The following RASL12 variants were observed in gnomAD, a reference collection of about 807,000 sequenced individuals.
RASL12 encodes the protein RAS like family 12.
In RASL12, 16 loss-of-function variants were observed where a neutral mutation model predicts 22.9. The observed-to-expected ratio is 0.70, with a 90% CI of 0.47 to 1.06. The LOEUF is 1.06. RASL12 is among the 50% of genes least tolerant of loss of function. The pLI is 0.00. For synonymous variants in RASL12, 159 were observed against 152.2 expected (o/e 1.04, Z -0.33); for missense variants, 306 against 353.1 (o/e 0.87, Z 1.07).
intron 2 of RASL12, among the ~76,000 whole-genome samples, chr15:65,062,048 TC>T (rs995623050): frequency 1.0e-4 from 14 of 138,482 alleles, no homozygotes; most frequent in African/African-American, 3.6e-4. Context: ...GCCACTGCAC[TC>T]CAGCCTGGGT....
chr15:65,053,902 A>G lies in RASL12; in HGVS notation c.*997T>C. On this transcript the variant is annotated 3_prime_UTR_variant, in exon 5 of 5. Coordinates refer to ENST00000220062, the MANE Select transcript of RASL12 (RefSeq NM_016563.4). ...GTGACACCACCAAATAACATAAGCAAAATTTTGCTTTATTAACCCAAAATG... is the reference window on the plus strand; with the variant it reads ...GTGACACCACCAAATAACATAAGCAGAATTTTGCTTTATTAACCCAAAATG... 1 of 985,836 alleles carries G rather than the reference A, an allele frequency of 1.0e-6. No individual in the cohort carries two copies. Among genetic ancestry groups the G allele is most frequent in the Non-Finnish European group, 1.2e-6 (1 of 829,942 alleles). The allele number at this position is 985,836 out of a possible 1,614,324, so 61.1% of individuals were successfully genotyped here.
chr15:65,063,175 A>T (rs1251006937), intron 2 of RASL12, among the ~76,000 whole-genome samples: 1 of 151,168 alleles, frequency 6.6e-6, no homozygotes, highest in Non-Finnish European at 1.5e-5. Context: ...AGATGCCAGG[A>T]AAAATACAAG....
downstream of RASL12, chr15:65,052,986 C>T: frequency 6.2e-7 from 1 of 1,613,062 alleles, no homozygotes; most frequent in Non-Finnish European, 8.5e-7. Context: ...ATGCAGCCAC[C>T]AGAAAAAGAA....
chr15:65,065,074 C>T (rs1296717938), intron 2 of RASL12, 143 bp downstream of exon 2: 1 of 699,638 alleles, frequency 1.4e-6, no homozygotes, highest in Non-Finnish European at 2.4e-6. Context: ...AACATTTTCC[C>T]CCATGGGCTG....
At position 65,054,775 on chromosome 15, in the gene RASL12, A is replaced by G; in HGVS notation, c.*124T>C. ...CACACAGTGAATTGAGTGTAGGGAC[A>G]CTGCTTGGTGCTGGAGGCGGGGTCT... On this transcript the variant is annotated 3_prime_UTR_variant, in exon 5 of 5. Transcript: ENST00000220062. 2.0e-6 allele frequency: 3 copies of G among 1,495,106 alleles called. No homozygotes were observed. Among genetic ancestry groups the G allele is most frequent in the Non-Finnish European group, 2.7e-6 (3 of 1,129,072 alleles). The allele number at this position is 1,495,106 out of a possible 1,614,324, so 92.6% of individuals were successfully genotyped here. A position where few individuals can be genotyped will look rare whatever the true frequency, so the allele number is the denominator to read the frequency against.
intron 1 of RASL12, among the ~76,000 whole-genome samples, chr15:65,075,043 C>T (rs939158330): frequency 5.3e-5 from 8 of 152,238 alleles, no homozygotes; most frequent in Non-Finnish European, 7.3e-5. Context: ...CGAGCGGGAA[C>T]CGGGGCTGCG....
upstream of RASL12, among the ~76,000 whole-genome samples, chr15:65,070,728 T>A (rs770607196): frequency 5.9e-5 from 9 of 152,240 alleles, no homozygotes; most frequent in Non-Finnish European, 1.3e-4. Context: ...AGCCCTTTCA[T>A]ATAAAGCTAA....
rs143828318 is a variant in RASL12 at position 65,061,377 on chromosome 15, G to A, written c.161-1959C>T. ...CAGAGTACAAGGGAAGACCAGAATC[G>A]CCCAGTCTGGTGGGGATGTGGAACA... On this transcript the variant is annotated intron_variant, in intron 2 of 4. Coordinates refer to ENST00000220062, the MANE Select transcript of RASL12 (RefSeq NM_016563.4). Among the ~76,000 whole-genome samples, 473 of 152,302 alleles carry A rather than the reference G, an allele frequency of 3.1e-3. 3 individuals are homozygous for A. The highest frequency in any genetic ancestry group is 0.011 in the African/African-American group (454 of 41,542).
In RASL12 at chr15:65,054,434, G is replaced by A. The variant is rs1331567010; in HGVS notation, c.*465C>T. On this transcript the variant is annotated 3_prime_UTR_variant, in exon 5 of 5. Coordinates refer to ENST00000220062, the MANE Select transcript of RASL12 (RefSeq NM_016563.4). ...CCAGGCTCTGGCCTCTGAAACTGCA[G>A]CCGCCCTGCCTTTCCCGTCCACCAG... 1 of 990,812 alleles carries A rather than the reference G, an allele frequency of 1.0e-6. No homozygotes were observed. Among genetic ancestry groups the A allele is most frequent in the Admixed American group, 5.9e-5 (1 of 17,010 alleles). 61.4% of individuals were successfully genotyped at this position (990,812 alleles called of 1,614,324 possible). A position where few individuals can be genotyped will look rare whatever the true frequency, so the allele number is the denominator to read the frequency against.
chr15:65,071,455 G>A (rs751899747), upstream of RASL12, among the ~76,000 whole-genome samples: 1 of 152,126 alleles, frequency 6.6e-6, no homozygotes, highest in Non-Finnish European at 1.5e-5. Context: ...CCCAGCTGTA[G>A]GCAACACCCC....
the RASL12 span, among the ~76,000 whole-genome samples, chr15:65,047,552 T>C: frequency 1.3e-5 from 2 of 152,164 alleles, no homozygotes; most frequent in Non-Finnish European, 2.9e-5. Flanking sequence ...TCAATACTTT[T>C]CTTTGTGAGT....
At chr15:65,050,810 CT>C (rs111590431), downstream of RASL12, among the ~76,000 whole-genome samples, 3 of 127,790 alleles carry the variant, frequency 2.3e-5, no homozygotes, top group African/African-American at 5.9e-5. Context: ...TCTTTCTTTC[CT>C]TTTTTTTTCT....
downstream of RASL12, among the ~76,000 whole-genome samples, chr15:65,052,519 G>A (rs1044499370): frequency 6.8e-6 from 1 of 148,088 alleles, no homozygotes; most frequent in Non-Finnish European, 1.5e-5. Context: ...TCCTGCTTCA[G>A]CCTCCCAAAT....
chr15:65,065,536 G>T (rs190460018), intron 1 of RASL12, among the ~76,000 whole-genome samples: 1 of 152,142 alleles, frequency 6.6e-6, no homozygotes, highest in African/African-American at 2.4e-5. Flanking sequence ...AGCCTAAGGG[G>T]TGTTTGGAAG....
chr15:65,049,575 G>C (rs1391429941), downstream of RASL12: 1 of 153,296 alleles, frequency 6.5e-6, no homozygotes, highest in Non-Finnish European at 1.5e-5. Flanking sequence ...GCGTGGGCGC[G>C]CTGTGGGCTC....
At chr15:65,061,650 A>T (rs2086805971) in intron 2 of RASL12, among the ~76,000 whole-genome samples, 1 of 152,176 alleles carries the variant, frequency 6.6e-6, no homozygotes, top group Non-Finnish European at 1.5e-5. Flanking sequence ...GTCATTTCCC[A>T]AAGTTTTGAA....
downstream of RASL12, chr15:65,051,662 TC>T: frequency 6.5e-7 from 1 of 1,534,312 alleles, no homozygotes; most frequent in Non-Finnish European, 9.0e-7. Flanking sequence ...GGCCCTGCCT[TC>T]CCAGAGGGAA....
At chr15:65,051,321 G>A (rs184943337), downstream of RASL12, among the ~76,000 whole-genome samples, 118 of 152,350 alleles carry the variant, frequency 7.7e-4, no homozygotes, top group Non-Finnish European at 1.2e-3. Context: ...CTTCTCCAGA[G>A]TAGAGACTGT....
At chr15:65,070,756 G>A (rs946108687), upstream of RASL12, among the ~76,000 whole-genome samples, 3 of 152,078 alleles carry the variant, frequency 2.0e-5, no homozygotes, top group Non-Finnish European at 2.9e-5. Flanking sequence ...GTACCCTTTC[G>A]CGATGTGGTT....
Sources: allele counts gnomAD v4.1 joint callset (sites outside exome capture counted in the v4.1 genomes callset), GRCh38; gene constraint gnomAD v4.1.1; transcripts MANE v1.5; gene names NCBI Gene and HGNC (gene_info 2026-07-23, HGNC 2026-07-21).